NEU4: variants seen among roughly 807,000 people sequenced by gnomAD.
The protein encoded by NEU4 is sialidase-4.
NEU4 carries 7 observed loss-of-function variants against 9.9 expected under a neutral mutation model. The observed-to-expected ratio is 0.71, with a 90% CI of 0.40 to 1.33. The LOEUF (loss-of-function observed/expected upper bound fraction) is 1.33. Ranked by LOEUF, NEU4 falls within the 40% of genes most tolerant of loss-of-function variation. The probability of loss-of-function intolerance (pLI) is 0.01; values close to 1 mark genes in which losing one functional copy is unlikely to be tolerated. For missense variants in NEU4, 717 were observed against 712.6 expected (o/e 1.01, Z -0.07); for synonymous variants, 348 against 316.9 (o/e 1.10, Z -1.04).
At chr2:241,814,233 AG>A in intron 1 of NEU4, 1 of 631,240 alleles carries the variant, frequency 1.6e-6, no homozygotes. Context: ...CCGTGTTGAG[AG>A]GGGAAGGGGC....
chr2:241,811,268 G>T, intron 1 of NEU4: 1 of 1,264,944 alleles, frequency 7.9e-7, no homozygotes, highest in Non-Finnish European at 1.0e-6. Context: ...GCTCCTGGGT[G>T]CCCATCTGCA....
At chr2:241,811,470 C>G (rs1379540430) in intron 1 of NEU4, 1 of 1,563,916 alleles carries the variant, frequency 6.4e-7, no homozygotes. Flanking sequence ...TGGTGAGTCC[C>G]TGCCCTTTGC....
chr2:241,814,229 T>G, intron 1 of NEU4: 9 of 624,348 alleles, frequency 1.4e-5, no homozygotes, highest in East Asian at 3.0e-5. Flanking sequence ...AGAGCCGTGT[T>G]GAGAGGGGAA....
intron 3 of NEU4, chr2:241,815,444 G>GA (rs1700294012): frequency 4.2e-6 from 1 of 236,180 alleles, no homozygotes; most frequent in African/African-American, 4.4e-5. Context: ...CAGGCAAATG[G>GA]GTATTGATCA....
chr2:241,812,206 G>T (rs138401462), intron 1 of NEU4, among the ~76,000 whole-genome samples: 1,670 of 151,308 alleles, frequency 0.011, 14 homozygotes, highest in Non-Finnish European at 0.018. Context: ...TGGCGGGGGT[G>T]GGGGGGGTGG....
chr2:241,817,388 A>C lies in NEU4; in HGVS notation c.*340A>C. On this transcript the variant is annotated 3_prime_UTR_variant, in exon 4 of 4. Coordinates refer to ENST00000407683, the MANE Select transcript of NEU4 (RefSeq NM_001167600.3). ...GTTTACTGGCTGCTTTCTGGCTCGA[A>C]ATAAAGGAATCGTGCTTGTGTCGGG... 2.7e-6 allele frequency: 1 copy of C among 373,266 alleles called. No individual in the cohort carries two copies. Among genetic ancestry groups the C allele is most frequent in the Non-Finnish European group, 4.8e-6 (1 of 208,596 alleles). 23.1% of individuals were successfully genotyped at this position (373,266 alleles called of 1,614,324 possible). A position where few individuals can be genotyped will look rare whatever the true frequency, so the allele number is the denominator to read the frequency against.
chr2:241,816,880 T>C lies in NEU4; in HGVS notation c.1287T>C (p.Pro429=). ...YSDLASIGPA[P]EGGLVFACLY... is the part of the protein sequence containing the mutation. ...ACCTGGCGTCCATCGGGCCGGCCCCTGAGGGGGGCCTGGTTTTTGCCTGCC... is the reference window on the plus strand; with the variant it reads ...ACCTGGCGTCCATCGGGCCGGCCCCCGAGGGGGGCCTGGTTTTTGCCTGCC... The change falls in exon 4 of 4, where the codon CCT becomes CCC. Residue 429 remains proline (P), a synonymous_variant. Transcript: ENST00000407683. 1 of 1,612,590 alleles carries C rather than the reference T, an allele frequency of 6.2e-7. No individual in the cohort carries two copies. Among genetic ancestry groups the C allele is most frequent in the Non-Finnish European group, 8.5e-7 (1 of 1,179,858 alleles).
At chr2:241,809,328 T>C (rs1457820401) in intron 1 of NEU4, 54 bp downstream of exon 1, 1 of 1,090,496 alleles carries the variant, frequency 9.2e-7, no homozygotes, top group Non-Finnish European at 1.2e-6. Context: ...TAAAACTGTG[T>C]GTAGTTTGCA....
At chr2:241,815,195 C>T in intron 3 of NEU4, 48 bp downstream of exon 3, 2 of 1,491,022 alleles carry the variant, frequency 1.3e-6, no homozygotes, top group Middle Eastern at 1.8e-4. Context: ...GGCCACGGTC[C>T]ACATGGAAGG....
intron 1 of NEU4, chr2:241,813,206 G>T (rs73108258): frequency 2.2e-6 from 1 of 461,314 alleles, no homozygotes. Flanking sequence ...GCCTTTACCC[G>T]GGTCTCTGTC....
In NEU4 at chr2:241,816,455, C is replaced by A; in HGVS notation, c.862C>A (p.Pro288Thr). ...GSIVGFPAPA[P>T]NRPRDDSWSV... is the part of the protein sequence containing the mutation. Reference sequence around the variant, plus strand: ...CATCGTGGGCTTCCCAGCCCCCGCCCCCAACAGGCCACGGGATGACAGTTG... The same window carrying A: ...CATCGTGGGCTTCCCAGCCCCCGCCACCAACAGGCCACGGGATGACAGTTG... The change falls in exon 4 of 4, where the codon CCC (proline) becomes ACC (threonine). Residue 288 changes from proline to threonine, a missense_variant. By Grantham distance (38) the Pro-to-Thr change is conservative (BLOSUM62 -1). Coordinates refer to ENST00000407683, the MANE Select transcript of NEU4 (RefSeq NM_001167600.3). 1 of 1,609,204 alleles carries A rather than the reference C, an allele frequency of 6.2e-7. No homozygotes were observed. Among genetic ancestry groups the A allele is most frequent in the Non-Finnish European group, 8.5e-7 (1 of 1,178,970 alleles).
At position 241,815,012 on chromosome 2, in the gene NEU4, C is replaced by CTGT; in HGVS notation, c.322_323insTGT (p.His108delinsLeuTyr). On this transcript the variant is annotated protein_altering_variant, in exon 3 of 4. Coordinates refer to ENST00000407683, the MANE Select transcript of NEU4 (RefSeq NM_001167600.3). ...CCTCTTCTTCATCGCGGTGCTGGGC[C>CTGT]ACACGCCTGAGGCCGTGCAGATCGC... 1.2e-6 allele frequency: 2 copies of CTGT among 1,605,140 alleles called. No individual in the cohort carries two copies. The highest frequency in any genetic ancestry group is 1.7e-6 in the Non-Finnish European group (2 of 1,178,986).
At chr2:241,815,502 ACTCT>A (rs777998611) in intron 3 of NEU4, 9 of 510,400 alleles carry the variant, frequency 1.8e-5, no homozygotes, top group East Asian at 6.3e-5. Flanking sequence ...GGCTGACCCG[ACTCT>A]CTCTCATCCC....
rs1048068042 is a variant in NEU4 at position 241,816,646 on chromosome 2, T to G, written c.1053T>G (p.Pro351=). 5 of 1,538,338 alleles carry G rather than the reference T, an allele frequency of 3.3e-6. No homozygotes were observed. The African/African-American group carries it at 6.9e-5, about 21-fold the overall frequency. Residue 351 remains proline (P), a synonymous_variant, in exon 4 of 4, where the codon CCT becomes CCG. Transcript: ENST00000407683. ...GDGPRQPGPR[P]GVSGDVGSWT... ...GCCCCAGGCAGCCTGGCCCCAGGCC[T>G]GGGGTCAGTGGGGATGTGGGGTCCT...
At position 241,816,174 on chromosome 2, in the gene NEU4, G is replaced by A. The variant is rs757919257; in HGVS notation, c.581G>A (p.Ser194Asn). 1.2e-6 allele frequency: 2 copies of A among 1,612,700 alleles called. No homozygotes were observed. Among genetic ancestry groups the A allele is most frequent in the Non-Finnish European group, 1.7e-6 (2 of 1,179,844 alleles). ...RECFGKICRT[S>N]PHSFAFYSDD... Reference sequence around the variant, plus strand: ...TGTTTTGGCAAGATCTGCCGGACCAGCCCTCACTCCTTCGCCTTCTACAGC... The same window carrying A: ...TGTTTTGGCAAGATCTGCCGGACCAACCCTCACTCCTTCGCCTTCTACAGC... Residue 194 changes from serine to asparagine, a missense_variant, in exon 4 of 4, where the codon AGC becomes AAC. Physicochemically the swap from Ser to Asn is conservative, Grantham distance 46 (BLOSUM62 1). Transcript: ENST00000407683.
At chr2:241,815,932 A>T in intron 3 of NEU4, 119 bp from the exon 4 acceptor site, 1 of 987,344 alleles carries the variant, frequency 1.0e-6, no homozygotes. Flanking sequence ...GGGCGGTCAG[A>T]GTGCGATGGT....
intron 1 of NEU4, among the ~76,000 whole-genome samples, chr2:241,813,004 C>T (rs1700180031): frequency 6.6e-6 from 1 of 152,222 alleles, no homozygotes; most frequent in Non-Finnish European, 1.5e-5. Flanking sequence ...CCAGGGGCTT[C>T]TTGGGGACGG....
chr2:241,814,296 G>A, intron 1 of NEU4, 186 bp from the exon 2 acceptor site: 2 of 626,834 alleles, frequency 3.2e-6, no homozygotes, highest in Non-Finnish European at 5.8e-6. Flanking sequence ...GTGGGGGAGG[G>A]GCTGCTCCAG....
intron 3 of NEU4, 46 bp downstream of exon 3, chr2:241,815,193 T>C: frequency 6.7e-7 from 1 of 1,493,636 alleles, no homozygotes; most frequent in South Asian, 1.3e-5. Context: ...TTGGCCACGG[T>C]CCACATGGAA....
Sources: allele counts gnomAD v4.1 joint callset (sites outside exome capture counted in the v4.1 genomes callset), GRCh38; gene constraint gnomAD v4.1.1; transcripts MANE v1.5; gene names NCBI Gene and HGNC (gene_info 2026-07-23, HGNC 2026-07-21).